Variants in KNDC1 observed in about 807,000 individuals in gnomAD.
KNDC1 encodes the protein kinase non-catalytic C-lobe domain-containing protein 1.
Under a neutral mutation model 172.8 loss-of-function variants are expected in KNDC1, and 106 were observed. That is an observed-to-expected ratio of 0.61 (90% CI 0.52 to 0.72). KNDC1 has a LOEUF of 0.72. Among genes scored for constraint, KNDC1 ranks in the 30% least tolerant of loss-of-function variants. KNDC1 has a pLI of 0.00. For missense variants in KNDC1, 2,325 were observed against 2,394.5 expected (o/e 0.97, Z 0.61); for synonymous variants, 1,083 against 1,062.2 (o/e 1.02, Z -0.38).
At chr10:133,197,262 T>G in intron 11 of KNDC1, 127 bp downstream of exon 11, 1 of 730,638 alleles carries the variant, frequency 1.4e-6, no homozygotes, top group South Asian at 1.6e-5. Context: ...CACCGAGCTG[T>G]GGGTGGGTGC....
chr10:133,204,911 C>T (rs1319239114), intron 17 of KNDC1, among the ~76,000 whole-genome samples: 1 of 151,816 alleles, frequency 6.6e-6, no homozygotes, highest in African/African-American at 2.4e-5. Context: ...AGCCAGGTGC[C>T]CCTGCCCCGT....
At position 133,198,701 on chromosome 10, in the gene KNDC1, GC is replaced by G; in HGVS notation, c.2195del (p.Pro732ArgfsTer63). ...GSPSLKTPDG[P>X]VPGPGPQGAA... Reference sequence around the variant, plus strand: ...CCCCCAGCCTGAAGACGCCTGACGGGCCGGTGCCTGGTCCGGGGCCACAGGG... The same window carrying G: ...CCCCCAGCCTGAAGACGCCTGACGGGCGGTGCCTGGTCCGGGGCCACAGGG... On this transcript the variant is annotated frameshift_variant, in exon 14 of 30. Coordinates refer to ENST00000304613, the MANE Select transcript of KNDC1 (RefSeq NM_152643.8). LOFTEE classifies it high-confidence loss of function. 1 of 1,578,706 alleles carries G rather than the reference GC, an allele frequency of 6.3e-7. No individual in the cohort carries two copies. Among genetic ancestry groups the G allele is most frequent in the Non-Finnish European group, 8.6e-7 (1 of 1,163,160 alleles).
chr10:133,199,427 C>A, intron 14 of KNDC1, 31 bp from the exon 15 acceptor site: 1 of 1,608,686 alleles, frequency 6.2e-7, no homozygotes, highest in Non-Finnish European at 8.5e-7. Flanking sequence ...CTGCCACCAT[C>A]TCACTTGTCT....
At position 133,202,346 on chromosome 10, in the gene KNDC1, G is replaced by A. The variant is rs1002785589; in HGVS notation, c.3387+448G>A. On this transcript the variant is annotated intron_variant, in intron 17 of 29. Coordinates refer to ENST00000304613, the MANE Select transcript of KNDC1 (RefSeq NM_152643.8). ...GGGCCTGGTCGCTGCAGCCTGGTCC[G>A]GGCTTTCTGGCCAGCAGTGCCATCC... 30 of 458,948 alleles carry A rather than the reference G, an allele frequency of 6.5e-5. No homozygotes were observed. In the Middle Eastern group the frequency reaches 1.6e-3, roughly 25 times the overall value. The allele number at this position is 458,948 out of a possible 1,614,324, so 28.4% of individuals were successfully genotyped here. A position where few individuals can be genotyped will look rare whatever the true frequency, so the allele number is the denominator to read the frequency against.
At chr10:133,178,014 C>T (rs879893018) in intron 3 of KNDC1, among the ~76,000 whole-genome samples, 11 of 140,816 alleles carry the variant, frequency 7.8e-5, no homozygotes, top group African/African-American at 1.1e-4. Flanking sequence ...GTGGTGTGTG[C>T]ATGCATGTGG....
chr10:133,201,459 C>T, intron 16 of KNDC1, 42 bp from the exon 17 acceptor site: 1 of 1,542,438 alleles, frequency 6.5e-7, no homozygotes, highest in Admixed American at 2.0e-5. Flanking sequence ...GCTCCGCCCA[C>T]AGGAGCCACT....
At chr10:133,173,693 C>T (rs1853442443) in intron 3 of KNDC1, among the ~76,000 whole-genome samples, 1 of 152,194 alleles carries the variant, frequency 6.6e-6, no homozygotes, top group South Asian at 2.1e-4. Context: ...CCTGCCTGTT[C>T]CCCGGGTCAC....
chr10:133,219,707 G>A (rs1428205844), intron 28 of KNDC1, among the ~76,000 whole-genome samples: 1 of 152,238 alleles, frequency 6.6e-6, no homozygotes, highest in Non-Finnish European at 1.5e-5. Context: ...CACCATTTCA[G>A]CAGCAGGAGG....
Position 133,200,643 on chromosome 10 carries a change from G to A in KNDC1, c.2989+183G>A, listed in dbSNP as rs1045249645. Among the ~76,000 whole-genome samples, 9 of 152,000 alleles carry A rather than the reference G, an allele frequency of 5.9e-5. 1 individual carries two copies. The highest frequency in any genetic ancestry group is 4.2e-4 in the South Asian group (2 of 4,804). On this transcript the variant is annotated intron_variant, in intron 16 of 29. Coordinates refer to ENST00000304613, the MANE Select transcript of KNDC1 (RefSeq NM_152643.8). ...TCCTGGGGGTGCCCAGCCAAAGGCC[G>A]CCCTCTCCTGGGGGTGCCCAGCCAA... is the stretch of plus-strand genomic sequence containing the variant.
At chr10:133,222,765 G>A (rs192171330) in intron 29 of KNDC1, among the ~76,000 whole-genome samples, 1 of 18,734 alleles carries the variant, frequency 5.3e-5, no homozygotes, top group African/African-American at 1.3e-4. Flanking sequence ...GCGTGTGTGC[G>A]TGTGCGTGAG....
At chr10:133,170,238 T>A (rs1853332307) in intron 3 of KNDC1, among the ~76,000 whole-genome samples, 1 of 152,154 alleles carries the variant, frequency 6.6e-6, no homozygotes, top group South Asian at 2.1e-4. Context: ...CAGGAGGAAG[T>A]GTGGCTCGTG....
rs764285393 is a variant in KNDC1 at position 133,212,733 on chromosome 10, G to A, written c.4254G>A (p.Leu1418=). Residue 1418 remains leucine, a synonymous_variant, in exon 24 of 30, where the codon CTG becomes CTA. Transcript: ENST00000304613. ...GISRKSFPWR[L]PRGNGLVLPP... is the part of the protein sequence containing the mutation. ...CCCTGCAGAGCTTCCCCTGGAGGCT[G>A]CCCCGAGGCAACGGGCTGGTGCTGC... 9 of 1,613,032 alleles carry A rather than the reference G, an allele frequency of 5.6e-6. No individual in the cohort carries two copies. The Admixed American group carries it at 1.2e-4, about 21-fold the overall frequency.
intron 9 of KNDC1, among the ~76,000 whole-genome samples, chr10:133,190,742 C>T (rs888894013): frequency 6.6e-6 from 1 of 152,242 alleles, no homozygotes; most frequent in African/African-American, 2.4e-5. Context: ...TGAACCCCAG[C>T]AATAGATCGT....
intron 5 of KNDC1, 31 bp downstream of exon 5, chr10:133,184,020 T>TTTTG (rs1564882612): frequency 2.3e-6 from 3 of 1,325,670 alleles, no homozygotes; most frequent in Middle Eastern, 1.9e-4. Flanking sequence ...ACGTGCATCC[T>TTTTG]CATGCACATA....
At position 133,225,678 on chromosome 10, in the gene KNDC1, C is replaced by CCCAGGGCACT. The variant is rs1845705019; in HGVS notation, c.*788_*789insCCAGGGCACT. 1 of 152,450 alleles carries CCCAGGGCACT rather than the reference C, an allele frequency of 6.6e-6. No individual in the cohort carries two copies. The highest frequency in any genetic ancestry group is 2.1e-4 in the South Asian group (1 of 4,848). 9.4% of individuals were successfully genotyped at this position (152,450 alleles called of 1,614,324 possible). The stretch of plus-strand genomic sequence containing the variant: ...GACAGAGGCTCTGTGGCGGGGGTCC[C>CCCAGGGCACT]TGAGAGTGCCCCCACCCATCTCATG... On this transcript the variant is annotated 3_prime_UTR_variant, in exon 30 of 30. Coordinates refer to ENST00000304613, the MANE Select transcript of KNDC1 (RefSeq NM_152643.8).
At position 133,163,015 on chromosome 10, in the gene KNDC1, G is replaced by A. The variant is rs1853025913; in HGVS notation, c.102+2446G>A. On this transcript the variant is annotated intron_variant, in intron 1 of 29. Coordinates refer to ENST00000304613, the MANE Select transcript of KNDC1 (RefSeq NM_152643.8). This position sits in a 1 kb window ranked among gnomAD's most constrained non-coding sequence, Gnocchi z 4.4. ...ATAGACAGGGAGATGTTCTGTGGGG[G>A]TGATGCAAGGAGGGCTTCCTGGAGG... Among the ~76,000 whole-genome samples, 1 of 133,154 alleles carries A rather than the reference G, an allele frequency of 7.5e-6. No homozygotes were observed. The highest frequency in any genetic ancestry group is 2.9e-5 in the African/African-American group (1 of 34,522). 87.4% of individuals were successfully genotyped at this position (133,154 alleles called of 152,430 possible).
intron 17 of KNDC1, among the ~76,000 whole-genome samples, chr10:133,206,377 G>A (rs1486573523): frequency 1.3e-5 from 2 of 152,250 alleles, no homozygotes; most frequent in Non-Finnish European, 2.9e-5. Context: ...GCCTGGTGCT[G>A]ACTTGGTGGG....
At chr10:133,180,375 C>T (rs545894813) in intron 3 of KNDC1, among the ~76,000 whole-genome samples, 7 of 152,324 alleles carry the variant, frequency 4.6e-5, no homozygotes, top group South Asian at 2.1e-4. Context: ...CCCTCGCCCG[C>T]GGCCATGCAG....
rs201851981 is a variant in KNDC1 at position 133,183,476 on chromosome 10, C to T, written c.493C>T (p.Arg165Trp). 44 of 1,603,398 alleles carry T rather than the reference C, an allele frequency of 2.7e-5. 1 individual carries two copies. In the Admixed American group the frequency reaches 7.1e-4, roughly 26 times the overall value. Residue 165 changes from arginine to tryptophan, a missense_variant, in exon 4 of 30, where the codon CGG (arginine) becomes TGG (tryptophan). Coordinates refer to ENST00000304613, the MANE Select transcript of KNDC1 (RefSeq NM_152643.8). Reference protein sequence around the residue: ...SRMQAEDPGDRPDLESIIALC... With the variant: ...SRMQAEDPGDWPDLESIIALC... The stretch of plus-strand genomic sequence containing the variant: ...GATGCAGGCGGAGGACCCCGGGGAC[C>T]GGCCGGACCTTGAGGTAAGCGAGGC...
Sources: gnomAD v4.1 joint callset for allele counts (sites outside exome capture counted in the v4.1 genomes callset) on GRCh38, gnomAD v4.1.1 for gene constraint, Gnocchi (gnomAD v3.1) non-coding constraint, MANE v1.5 for transcripts, NCBI Gene and HGNC (gene_info 2026-07-23, HGNC 2026-07-21) for gene names.